The following PAK5 variants were observed in gnomAD, a reference collection of about 807,000 sequenced individuals.
PAK5 encodes serine/threonine-protein kinase PAK 5.
A neutral mutation model predicts 65.9 loss-of-function variants in PAK5; 16 were observed. The ratio of observed to expected loss-of-function variants is 0.24; its 90% CI spans 0.16 to 0.37. The LOEUF is 0.37. Among genes scored for constraint, PAK5 ranks in the 10% least tolerant of loss-of-function variants. PAK5 has a pLI of 1.00. For missense variants in PAK5, 785 were observed against 903.9 expected, an observed-to-expected ratio of 0.87 and a Z score of 1.69; for synonymous variants, 371 against 354.9, an observed-to-expected ratio of 1.05 and a Z score of -0.51.
rs565569428 is a variant in PAK5, at chr20:9,818,515, C to T, written c.-162+20247G>A. Among the ~76,000 whole-genome samples the T allele has an allele frequency of 4.6e-5, 7 of 152,282 alleles. No homozygotes were observed. The East Asian group carries it at 7.7e-4, about 17-fold the overall frequency. On this transcript the variant is annotated intron_variant, in intron 1 of 9. Transcript: ENST00000353224. ...CTCCATTAACATGGGAACAGTATCT[C>T]GCAAGGATGAATCTTGGTGGAGACT...
chr20:9,789,524 G>T (rs988794419), intron 1 of PAK5, among the ~76,000 whole-genome samples: 24 of 152,128 alleles, frequency 1.6e-4, no homozygotes, highest in African/African-American at 5.6e-4. Flanking sequence ...AACATTGCTT[G>T]TATACAGTGT....
At chr20:9,823,341 C>A (rs746891203) in intron 1 of PAK5, among the ~76,000 whole-genome samples, 4 of 152,158 alleles carry the variant, frequency 2.6e-5, no homozygotes, top group Non-Finnish European at 4.4e-5. Context: ...TTTGTTATAG[C>A]AGCAGGAATG....
intron 3 of PAK5, among the ~76,000 whole-genome samples, chr20:9,617,749 G>T (rs2046687544): frequency 6.6e-6 from 1 of 151,752 alleles, no homozygotes; most frequent in Non-Finnish European, 1.5e-5. Flanking sequence ...TAGAGACGGG[G>T]TTTCACCGTG....
chr20:9,799,493 A>T (rs1051294732), intron 1 of PAK5, among the ~76,000 whole-genome samples: 7 of 152,118 alleles, frequency 4.6e-5, no homozygotes, highest in African/African-American at 1.7e-4. Flanking sequence ...TAGCTCCATT[A>T]ATAAGAATGT....
At chr20:9,827,946 C>T (rs1414450433) in intron 1 of PAK5, among the ~76,000 whole-genome samples, 4 of 152,222 alleles carry the variant, frequency 2.6e-5, no homozygotes, top group Non-Finnish European at 5.9e-5. Context: ...ATTCTCTTGC[C>T]TCAGCATCCC....
chr20:9,749,106 C>A (rs1356256421), intron 1 of PAK5, among the ~76,000 whole-genome samples: 1 of 152,036 alleles, frequency 6.6e-6, no homozygotes, highest in Non-Finnish European at 1.5e-5. Flanking sequence ...AATATGAAAG[C>A]AATTAAGAAA....
At chr20:9,708,522 T>C (rs2048036889) in intron 2 of PAK5, among the ~76,000 whole-genome samples, 1 of 152,214 alleles carries the variant, frequency 6.6e-6, no homozygotes, top group Non-Finnish European at 1.5e-5. Context: ...TCTATTCATA[T>C]GATCATGATC....
At chr20:9,646,612 A>G (rs2047138031) in intron 2 of PAK5, among the ~76,000 whole-genome samples, 1 of 152,170 alleles carries the variant, frequency 6.6e-6, no homozygotes, top group East Asian at 1.9e-4. Context: ...ATGGCCCACA[A>G]TGTTTCATTC....
At chr20:9,802,395 C>T (rs942058995) in intron 1 of PAK5, among the ~76,000 whole-genome samples, 3 of 151,986 alleles carry the variant, frequency 2.0e-5, no homozygotes, top group South Asian at 2.1e-4. Context: ...CAATGATAAA[C>T]GCAGACATTT....
chr20:9,727,416 T>C (rs995160309), intron 1 of PAK5, among the ~76,000 whole-genome samples: 1 of 152,192 alleles, frequency 6.6e-6, no homozygotes, highest in Non-Finnish European at 1.5e-5. Flanking sequence ...AAAGTTACTA[T>C]ATTTTTCCCT....
chr20:9,794,736 A>G (rs1367161541), intron 1 of PAK5, among the ~76,000 whole-genome samples: 2 of 152,142 alleles, frequency 1.3e-5, no homozygotes, highest in African/African-American at 2.4e-5. Flanking sequence ...AAAGTTGGTC[A>G]TAAAGATATT....
rs923209748 is a variant in PAK5, at chr20:9,790,891, A to C, written c.-162+47871T>G. 2.0e-5 allele frequency among the ~76,000 whole-genome samples: 3 copies of C among 152,124 alleles called. No individual in the cohort carries two copies. In the East Asian group the frequency reaches 5.8e-4, roughly 29 times the overall value. Reference sequence around the variant, plus strand: ...GTGGAGATATCTCACTCTGTACCATACACTCTTGTAATGAGATCTGGTCCT... The same window carrying C: ...GTGGAGATATCTCACTCTGTACCATCCACTCTTGTAATGAGATCTGGTCCT... On this transcript the variant is annotated intron_variant, in intron 1 of 9. Coordinates refer to ENST00000353224, the MANE Select transcript of PAK5 (RefSeq NM_177990.4).
intron 3 of PAK5, among the ~76,000 whole-genome samples, chr20:9,637,149 C>T (rs908725863): frequency 2.6e-5 from 4 of 152,118 alleles, no homozygotes; most frequent in Non-Finnish European, 5.9e-5. Flanking sequence ...GACAGGTGTA[C>T]ACCAGCATGC....
chr20:9,707,462 T>C (rs1367267533), intron 2 of PAK5, among the ~76,000 whole-genome samples: 6 of 152,236 alleles, frequency 3.9e-5, no homozygotes, highest in Non-Finnish European at 5.9e-5. Context: ...ACTTACTCTG[T>C]AATCTTTTAT....
At chr20:9,552,919 A>G (rs2045451352) in intron 7 of PAK5, among the ~76,000 whole-genome samples, 1 of 151,902 alleles carries the variant, frequency 6.6e-6, no homozygotes, top group Admixed American at 6.6e-5. Context: ...ATGAGATGGG[A>G]CTTCAATATG....
At chr20:9,596,662 A>G (rs2046274764) in intron 3 of PAK5, among the ~76,000 whole-genome samples, 1 of 145,634 alleles carries the variant, frequency 6.9e-6, no homozygotes, top group South Asian at 2.2e-4. Context: ...AAAAAAAAAG[A>G]CTACAGAGAA....
At chr20:9,596,854 T>G (rs908713721) in intron 3 of PAK5, among the ~76,000 whole-genome samples, 5 of 152,114 alleles carry the variant, frequency 3.3e-5, no homozygotes, top group Admixed American at 3.3e-4. Context: ...TAAACCCTAC[T>G]TGGCACATAA....
intron 3 of PAK5, among the ~76,000 whole-genome samples, chr20:9,637,628 CTAGAG>C (rs1440288977): frequency 6.6e-6 from 1 of 151,760 alleles, no homozygotes; most frequent in Non-Finnish European, 1.5e-5. Flanking sequence ...GAAAAAAAAG[CTAGAG>C]TAATTTTTAA....
At chr20:9,566,414 T>A (rs1454295831) in intron 4 of PAK5, 30 bp from the exon 5 acceptor site, 3 of 1,596,426 alleles carry the variant, frequency 1.9e-6, no homozygotes, top group Non-Finnish European at 2.6e-6. Flanking sequence ...TAGAGAATAT[T>A]CACATGCTGG....
Sources: allele counts gnomAD v4.1 joint callset (sites outside exome capture counted in the v4.1 genomes callset), GRCh38; gene constraint gnomAD v4.1.1; transcripts MANE v1.5; gene names NCBI Gene and HGNC (gene_info 2026-07-23, HGNC 2026-07-21).